CSMD2: variants seen among roughly 807,000 people sequenced by gnomAD.
The protein encoded by CSMD2 is CUB and Sushi multiple domains 2.
In CSMD2, 130 loss-of-function variants were observed where a neutral mutation model predicts 398.5. The observed-to-expected ratio is 0.33, with a 90% CI of 0.28 to 0.38. The LOEUF is 0.38. Among genes scored for constraint, CSMD2 ranks in the 10% least tolerant of loss-of-function variants. CSMD2 has a pLI of 1.00. For missense variants in CSMD2, 3,829 were observed against 4,764.9 expected, an observed-to-expected ratio of 0.80 and a Z score of 5.78; for synonymous variants, 1,828 against 1,908.5, an observed-to-expected ratio of 0.96 and a Z score of 1.10.
chr1:33,934,979 G>A (rs555526594), intron 4 of CSMD2, among the ~76,000 whole-genome samples: 14 of 145,982 alleles, frequency 9.6e-5, no homozygotes, highest in Admixed American at 2.1e-4. Flanking sequence ...ACTCCAGCAC[G>A]GAGGACAGAG....
intron 44 of CSMD2, among the ~76,000 whole-genome samples, chr1:33,594,050 ATAAT>A (rs1166020198): frequency 1.3e-5 from 2 of 152,212 alleles, no homozygotes; most frequent in Non-Finnish European, 2.9e-5. Flanking sequence ...TTAATATAAA[ATAAT>A]TATTTGTAGT....
intron 36 of CSMD2, among the ~76,000 whole-genome samples, chr1:33,622,789 T>C (rs1203178500): frequency 1.3e-5 from 2 of 152,178 alleles, no homozygotes; most frequent in Non-Finnish European, 2.9e-5. Flanking sequence ...CCTCCAAAAG[T>C]TAAACATAGA....
chr1:33,547,020 A>C (rs550808608), intron 56 of CSMD2, among the ~76,000 whole-genome samples: 1 of 152,342 alleles, frequency 6.6e-6, no homozygotes, highest in East Asian at 1.9e-4. Flanking sequence ...CACCACAAAG[A>C]AATGATAAAT....
intron 25 of CSMD2, among the ~76,000 whole-genome samples, chr1:33,665,789 A>G (rs913573793): frequency 6.6e-6 from 1 of 151,844 alleles, no homozygotes; most frequent in Non-Finnish European, 1.5e-5. Context: ...AATTCTCCCA[A>G]CACCTATCTA....
At chr1:33,979,172 T>G (rs1336278215) in intron 3 of CSMD2, among the ~76,000 whole-genome samples, 1 of 152,154 alleles carries the variant, frequency 6.6e-6, no homozygotes, top group Non-Finnish European at 1.5e-5. Context: ...AGGTTCTCCT[T>G]GCCCACCCCA....
At chr1:33,968,588 G>C (rs1645643994) in intron 3 of CSMD2, among the ~76,000 whole-genome samples, 1 of 152,238 alleles carries the variant, frequency 6.6e-6, no homozygotes, top group Non-Finnish European at 1.5e-5. Context: ...CCTCTGGGAT[G>C]AAAGGGCTGC....
intron 55 of CSMD2, among the ~76,000 whole-genome samples, chr1:33,553,836 T>C (rs931907541): frequency 6.6e-6 from 1 of 152,248 alleles, no homozygotes; most frequent in Middle Eastern, 3.4e-3. Flanking sequence ...GTAGGACGTT[T>C]AGCATCGTCC....
At chr1:33,607,373 G>A (rs1640684957) in intron 41 of CSMD2, among the ~76,000 whole-genome samples, 2 of 152,312 alleles carry the variant, frequency 1.3e-5, no homozygotes, top group South Asian at 2.1e-4. Flanking sequence ...AAGTCGAGGG[G>A]CCATAGAGAG....
chr1:33,853,960 C>A (rs1330654822), intron 5 of CSMD2, among the ~76,000 whole-genome samples: 1 of 152,152 alleles, frequency 6.6e-6, no homozygotes, highest in Non-Finnish European at 1.5e-5. Flanking sequence ...TAATGCCCAG[C>A]TATATTTGAG....
At position 33,542,784 on chromosome 1, in the gene CSMD2, T is replaced by C; in HGVS notation, c.9213A>G (p.Thr3071=). 2 of 1,614,188 alleles carry C rather than the reference T, an allele frequency of 1.2e-6. No individual in the cohort carries two copies. Among genetic ancestry groups the C allele is most frequent in the South Asian group, 1.1e-5 (1 of 91,072 alleles). ...VYECREGYYA[T]GLLSRHCSVN... ...CCGAGCAGTGACGGCTGAGCAGGCC[T>C]GTGGCGTAGTATCCTTCCCGGCACT... The change falls in exon 58 of 71, where the codon ACA becomes ACG. Residue 3071 remains threonine, a synonymous_variant. Coordinates refer to ENST00000373381, the MANE Select transcript of CSMD2 (RefSeq NM_001281956.2).
At chr1:34,016,957 A>C (rs1443374858) in intron 3 of CSMD2, among the ~76,000 whole-genome samples, 1 of 152,206 alleles carries the variant, frequency 6.6e-6, no homozygotes, top group East Asian at 1.9e-4. Context: ...CAGAAATTAG[A>C]ATGAGTATTA....
intron 44 of CSMD2, among the ~76,000 whole-genome samples, chr1:33,587,460 G>A (rs749946335): frequency 9.9e-5 from 15 of 152,160 alleles, no homozygotes; most frequent in African/African-American, 1.9e-4. Context: ...GATATTAGGC[G>A]TTTTATAGGC....
Position 33,846,973 on chromosome 1 carries a change from G to C in CSMD2, c.944C>G (p.Ala315Gly). The change falls in exon 6 of 71, where the codon GCC becomes GGC. Residue 315 changes from alanine to glycine, a missense_variant. Coordinates refer to ENST00000373381, the MANE Select transcript of CSMD2 (RefSeq NM_001281956.2). Reference protein sequence around the residue: ...SLWFTGASLPAPVISSKNWLR... With the variant: ...SLWFTGASLPGPVISSKNWLR... ...CCAGTTCTTGCTGCTGATAACGGGG[G>C]CTGGGAGGCTGGCTCCGGTGAACCT... The C allele has an allele frequency of 1.2e-6, 2 of 1,609,546 alleles. No individual in the cohort carries two copies. The highest frequency in any genetic ancestry group is 2.7e-5 in the African/African-American group (2 of 74,826).
chr1:33,882,404 T>C (rs1243840941), intron 5 of CSMD2, among the ~76,000 whole-genome samples: 1 of 152,228 alleles, frequency 6.6e-6, no homozygotes, highest in East Asian at 1.9e-4. Context: ...TGTAATTTCA[T>C]ACTTTCTCTA....
At chr1:33,868,870 G>C (rs1640237295) in intron 5 of CSMD2, 1 of 152,218 alleles carries the variant, frequency 6.6e-6, no homozygotes, top group Non-Finnish European at 1.5e-5. Context: ...ACTTGAAATG[G>C]ATGGTCAGAA....
Position 33,935,788 on chromosome 1 carries a change from C to T in CSMD2, c.684G>A (p.Thr228=), listed in dbSNP as rs536293556. ...TGCAGGAAGGCAGGGGGAAGTCCCA[C>T]GTGGCGCTGTTCTCAGAGCCAGCGT... ...TCHAGSENSA[T]WDFPLPSCRA... Residue 228 remains threonine, a synonymous_variant, in exon 4 of 71, where the codon ACG becomes ACA. Coordinates refer to ENST00000373381, the MANE Select transcript of CSMD2 (RefSeq NM_001281956.2). 3.2e-5 allele frequency: 51 copies of T among 1,611,174 alleles called. 1 individual carries two copies. The South Asian group carries it at 4.1e-4, about 13-fold the overall frequency.
chr1:33,954,700 C>A (rs1485231781), intron 3 of CSMD2, among the ~76,000 whole-genome samples: 1 of 152,050 alleles, frequency 6.6e-6, no homozygotes, highest in Non-Finnish European at 1.5e-5. Context: ...GTGAAATGAG[C>A]CAGTCACAAA....
At chr1:33,625,278 G>A (rs373180506) in intron 33 of CSMD2, 24 bp from the exon 34 acceptor site, 1 of 1,595,714 alleles carries the variant, frequency 6.3e-7, no homozygotes, top group Non-Finnish European at 8.5e-7. Context: ...GGGCACTGAG[G>A]GGAGGCCTCA....
chr1:33,643,820 G>T (rs947496163), intron 29 of CSMD2, among the ~76,000 whole-genome samples: 1 of 151,830 alleles, frequency 6.6e-6, no homozygotes, highest in African/African-American at 2.4e-5. Context: ...CCACCAAATG[G>T]GCTACTAGAC....
Sources: gnomAD v4.1 joint callset for allele counts (sites outside exome capture counted in the v4.1 genomes callset) on GRCh38, gnomAD v4.1.1 for gene constraint, MANE v1.5 for transcripts, NCBI Gene and HGNC (gene_info 2026-07-23, HGNC 2026-07-21) for gene names.